The following DCTN5 variants were observed in gnomAD, a reference collection of about 807,000 sequenced individuals.
DCTN5 encodes dynactin subunit 5.
DCTN5 carries 14 observed loss-of-function variants against 23.5 expected under a neutral mutation model. That is an observed-to-expected ratio of 0.60 (90% CI 0.39 to 0.93). The LOEUF is 0.93. Ranked by LOEUF, DCTN5 falls within the 40% of genes least tolerant of loss-of-function variation. DCTN5 has a pLI of 0.00. For missense variants in DCTN5, 156 were observed against 225.9 expected (o/e 0.69, Z 1.98); for synonymous variants, 67 against 79.6 (o/e 0.84, Z 0.84).
intron 2 of DCTN5, among the ~76,000 whole-genome samples, chr16:23,652,897 C>A (rs984961816): frequency 3.9e-5 from 6 of 152,168 alleles, no homozygotes; most frequent in African/African-American, 1.2e-4. Context: ...AATCCCAGCA[C>A]TTTCAGAGGC....
At position 23,645,326 on chromosome 16, in the gene DCTN5, T is replaced by TGTTGATCA. The variant is rs541098392; in HGVS notation, c.117+2305_117+2312dup. Reference sequence around the variant, plus strand: ...TTTTAATAGAGGCGGGGTTTCTCCATGTTGATCAGGCTGGTCTCGAACTCC... The same window carrying TGTTGATCA: ...TTTTAATAGAGGCGGGGTTTCTCCATGTTGATCAGTTGATCAGGCTGGTCTCGAACTCC... On this transcript the variant is annotated intron_variant, in intron 2 of 5. Coordinates refer to ENST00000300087, the MANE Select transcript of DCTN5 (RefSeq NM_032486.4). Among the ~76,000 whole-genome samples the TGTTGATCA allele has an allele frequency of 9.1e-4, 137 of 150,422 alleles. 1 individual carries two copies. Among genetic ancestry groups the TGTTGATCA allele is most frequent in the African/African-American group, 3.1e-3 (129 of 40,980 alleles).
chr16:23,661,202 A>G lies in DCTN5; in HGVS notation c.269A>G (p.His90Arg). ...TTCTTTCCTTTACATATTGGAGACC[A>G]TGTCTTTATTGAGGAAGATTGTGTG... ...VAFFPLHIGD[H>R]VFIEEDCVVN... The change falls in exon 4 of 6, where the codon CAT becomes CGT. Residue 90 changes from histidine to arginine, a missense_variant. Coordinates refer to ENST00000300087, the MANE Select transcript of DCTN5 (RefSeq NM_032486.4). 1 of 1,613,108 alleles carries G rather than the reference A, an allele frequency of 6.2e-7. No individual in the cohort carries two copies. The highest frequency in any genetic ancestry group is 8.5e-7 in the Non-Finnish European group (1 of 1,179,580).
rs572421536 is a variant in DCTN5, at chr16:23,671,333, C to G, written c.*4189C>G. ...GGCACTTTTATTAGGAAGTGATACACCTTGAGCAAAACCCCTTAGAGTATA... is the reference window on the plus strand; with the variant it reads ...GGCACTTTTATTAGGAAGTGATACAGCTTGAGCAAAACCCCTTAGAGTATA... On this transcript the variant is annotated 3_prime_UTR_variant, in exon 6 of 6. Transcript: ENST00000300087. 6.6e-6 allele frequency: 1 copy of G among 152,184 alleles called. No individual in the cohort carries two copies. The highest frequency in any genetic ancestry group is 2.1e-4 in the South Asian group (1 of 4,832). The allele number at this position is 152,184 out of a possible 1,614,324, so 9.4% of individuals were successfully genotyped here.
chr16:23,641,844 C>T (rs1053285505), intron 1 of DCTN5, among the ~76,000 whole-genome samples: 1 of 152,270 alleles, frequency 6.6e-6, no homozygotes, highest in African/African-American at 2.4e-5. Context: ...AAGTCCCATC[C>T]TGTTCATACG....
chr16:23,656,304 A>ATCC (rs1391200487), intron 2 of DCTN5, among the ~76,000 whole-genome samples: 10 of 152,238 alleles, frequency 6.6e-5, no homozygotes, highest in African/African-American at 2.4e-4. Flanking sequence ...CCTTAATACC[A>ATCC]TCTAACGCTC....
Position 23,643,073 on chromosome 16 carries a change from T to C in DCTN5, c.117+50T>C, listed in dbSNP as rs747068474. 4.7e-6 allele frequency: 7 copies of C among 1,476,418 alleles called. No individual in the cohort carries two copies. In the South Asian group the frequency reaches 6.8e-5, roughly 14 times the overall value. The allele number at this position is 1,476,418 out of a possible 1,614,324, so 91.5% of individuals were successfully genotyped here. ...CTGCAAACCTTAGCTTGCGTTCTGC[T>C]AATTGTCACCACAGCAGGGCAGATA... is the stretch of plus-strand genomic sequence containing the variant. On this transcript the variant is annotated intron_variant, in intron 2 of 5. Coordinates refer to ENST00000300087, the MANE Select transcript of DCTN5 (RefSeq NM_032486.4).
rs1968070707 is a variant in DCTN5 at position 23,675,391 on chromosome 16, TTAGGAGGCTGAGG to T, written c.*8255_*8267del. 1 of 151,902 alleles carries T rather than the reference TTAGGAGGCTGAGG, an allele frequency of 6.6e-6. No individual in the cohort carries two copies. The highest frequency in any genetic ancestry group is 2.1e-4 in the South Asian group (1 of 4,808). 9.4% of individuals were successfully genotyped at this position (151,902 alleles called of 1,614,324 possible). Reference sequence around the variant, plus strand: ...GGCATGTGCCTTTGGTTCCAGCTACTTAGGAGGCTGAGGTAGGAGGATGGCTTGAGCCCAGGAG... The same window carrying T: ...GGCATGTGCCTTTGGTTCCAGCTACTTAGGAGGATGGCTTGAGCCCAGGAG... On this transcript the variant is annotated 3_prime_UTR_variant, in exon 6 of 6. Coordinates refer to ENST00000300087, the MANE Select transcript of DCTN5 (RefSeq NM_032486.4).
chr16:23,641,491 C>T lies in DCTN5; in HGVS notation c.-52C>T, dbSNP rs1448029275. ...GGAAGTAGCCGGAATCTCTGAAAGACTGACCGACTGACTCTGACAGGATCC... is the reference window on the plus strand; with the variant it reads ...GGAAGTAGCCGGAATCTCTGAAAGATTGACCGACTGACTCTGACAGGATCC... On this transcript the variant is annotated 5_prime_UTR_variant, in exon 1 of 6. Transcript: ENST00000300087. 5.0e-6 allele frequency: 8 copies of T among 1,610,362 alleles called. No individual in the cohort carries two copies. The highest frequency in any genetic ancestry group is 6.8e-6 in the Non-Finnish European group (8 of 1,177,272).
intron 4 of DCTN5, among the ~76,000 whole-genome samples, chr16:23,664,585 T>C (rs1238497772): frequency 2.0e-5 from 3 of 152,186 alleles, no homozygotes; most frequent in African/African-American, 7.2e-5. Flanking sequence ...GATCAAAACT[T>C]TCATTTCCTC....
At chr16:23,646,170 T>C (rs889653171) in intron 2 of DCTN5, among the ~76,000 whole-genome samples, 2 of 152,340 alleles carry the variant, frequency 1.3e-5, no homozygotes, top group African/African-American at 4.8e-5. Flanking sequence ...TTGATTTGTA[T>C]TTCCTTAATG....
chr16:23,649,059 C>T (rs1489811624), intron 2 of DCTN5, among the ~76,000 whole-genome samples: 1 of 152,090 alleles, frequency 6.6e-6, no homozygotes, highest in Admixed American at 6.6e-5. Context: ...GAGGTTTCAC[C>T]ATATTGCTCA....
intron 3 of DCTN5, among the ~76,000 whole-genome samples, chr16:23,658,973 A>G (rs1019782239): frequency 6.6e-6 from 1 of 152,164 alleles, no homozygotes; most frequent in African/African-American, 2.4e-5. Flanking sequence ...TTGTCTACCT[A>G]TCCCTCTCTG....
At chr16:23,663,301 A>T (rs1355507696) in intron 4 of DCTN5, among the ~76,000 whole-genome samples, 1 of 152,212 alleles carries the variant, frequency 6.6e-6, no homozygotes, top group African/African-American at 2.4e-5. Context: ...TGTTTCATAG[A>T]TGAGGAAACC....
intron 2 of DCTN5, among the ~76,000 whole-genome samples, chr16:23,645,316 G>A (rs180758851): frequency 6.7e-6 from 1 of 150,070 alleles, no homozygotes; most frequent in African/African-American, 2.4e-5. Context: ...ATAGAGGCGG[G>A]GTTTCTCCAT....
At chr16:23,658,666 G>C (rs1178888067) in intron 3 of DCTN5, 41 bp downstream of exon 3, 1 of 1,481,130 alleles carries the variant, frequency 6.8e-7, no homozygotes, top group South Asian at 1.1e-5. Flanking sequence ...TGGGCAAGAA[G>C]CTGCCACTGG....
intron 4 of DCTN5, among the ~76,000 whole-genome samples, 194 bp from the exon 5 acceptor site, chr16:23,665,432 G>A (rs758016231): frequency 2.0e-5 from 3 of 152,118 alleles, no homozygotes; most frequent in Non-Finnish European, 4.4e-5. Context: ...CCTTCCCCCC[G>A]AAATGTACAC....
chr16:23,658,628 A>G lies in DCTN5; in HGVS notation c.236+3A>G. On this transcript the variant is annotated splice_donor_region_variant and intron_variant, in intron 3 of 5. Transcript: ENST00000300087. ...CCATTCAAGAAGTTCAGCAAAGGGTATGTAATTTAATTACTTTGTTCAAGT... is the reference window on the plus strand; with the variant it reads ...CCATTCAAGAAGTTCAGCAAAGGGTGTGTAATTTAATTACTTTGTTCAAGT... 1.2e-6 allele frequency: 2 copies of G among 1,609,308 alleles called. No homozygotes were observed. The highest frequency in any genetic ancestry group is 8.5e-7 in the Non-Finnish European group (1 of 1,175,552).
intron 2 of DCTN5, among the ~76,000 whole-genome samples, chr16:23,654,131 C>T (rs1045367748): frequency 4.6e-5 from 7 of 152,106 alleles, no homozygotes; most frequent in African/African-American, 1.4e-4. Flanking sequence ...CCTCAGAGAC[C>T]TAAAGACAGA....
intron 4 of DCTN5, 85 bp from the exon 5 acceptor site, chr16:23,665,541 C>T (rs1967890004): frequency 1.6e-6 from 2 of 1,287,282 alleles, no homozygotes; most frequent in African/African-American, 1.5e-5. Context: ...CTGGCTATTA[C>T]ATGGTATCAT....
Sources: gnomAD v4.1 joint callset for allele counts (sites outside exome capture counted in the v4.1 genomes callset) on GRCh38, gnomAD v4.1.1 for gene constraint, MANE v1.5 for transcripts, NCBI Gene and HGNC (gene_info 2026-07-23, HGNC 2026-07-21) for gene names.